Variants in RPL10 observed in about 807,000 individuals in gnomAD.
RPL10 encodes the protein large ribosomal subunit protein uL16.
RPL10 carries 1 observed loss-of-function variant against 15.7 expected under a neutral mutation model. The observed-to-expected ratio is 0.06, with a 90% confidence interval of 0.02 to 0.30. The LOEUF is 0.30. Ranked by LOEUF, RPL10 falls within the 10% of genes least tolerant of loss-of-function variation. The pLI, the probability that RPL10 is intolerant of heterozygous loss-of-function variation, is 1.00. For missense variants in RPL10, 54 were observed against 183.4 expected (o/e 0.29, Z 4.08); for synonymous variants, 59 against 64.0 (o/e 0.92, Z 0.37).
chrX:154,399,143 G>T (rs1380807809), intron 2 of RPL10, among the ~76,000 whole-genome samples, 195 bp from the exon 3 acceptor site: 1 of 112,321 alleles, frequency 8.9e-6, no homozygotes, highest in Non-Finnish European at 1.9e-5. Flanking sequence ...GTTGTTTCTA[G>T]TCTTGGGTGT....
intron 6 of RPL10, 32 bp from the exon 7 acceptor site, chrX:154,400,670 C>T (rs41302182): frequency 1.7e-6 from 2 of 1,211,393 alleles, no homozygotes; most frequent in South Asian, 1.8e-5. Context: ...TGCCCCAGGC[C>T]TCCTGACTCA....
intron 5 of RPL10, 132 bp downstream of exon 5, chrX:154,400,073 G>A (rs1432991298): frequency 1.4e-5 from 11 of 811,682 alleles, no homozygotes; most frequent in Non-Finnish European, 2.0e-5. Context: ...GCTGGCAAGT[G>A]ACTTTCAGTG....
In RPL10 at chrX:154,400,984, T is replaced by C. The variant is rs782015571; in HGVS notation, c.*130T>C. Reference sequence around the variant, plus strand: ...TGGGAACCTTTGGGTCATTGCCCTTTCACTTCAGAAACAGGTTGACAACTC... The same window carrying C: ...TGGGAACCTTTGGGTCATTGCCCTTCCACTTCAGAAACAGGTTGACAACTC... On this transcript the variant is annotated 3_prime_UTR_variant, in exon 7 of 7. Coordinates refer to ENST00000369817, the MANE Select transcript of RPL10 (RefSeq NM_006013.5). 24 of 1,167,699 alleles carry C rather than the reference T, an allele frequency of 2.1e-5. No individual in the cohort carries two copies. The East Asian group carries it at 7.4e-4, about 36-fold the overall frequency.
chrX:154,400,394 C>G, intron 5 of RPL10, 70 bp from the exon 6 acceptor site: 2 of 1,142,126 alleles, frequency 1.8e-6, no homozygotes, highest in Non-Finnish European at 2.4e-6. Context: ...ATGGGTTGCT[C>G]TAAGGGACCT....
In RPL10 at chrX:154,400,876, CCT is replaced by C. The variant is rs1415793083; in HGVS notation, c.*25_*26del. ...ATGAGGGCTTCCAATGTGCTGCCCC[CCT>C]CTTAATACTCACCAATAAATTCTAC... On this transcript the variant is annotated 3_prime_UTR_variant, in exon 7 of 7. Transcript: ENST00000369817. 4.1e-6 allele frequency: 5 copies of C among 1,209,204 alleles called. No individual in the cohort carries two copies. The highest frequency in any genetic ancestry group is 1.7e-5 in the African/African-American group (1 of 57,176).
chrX:154,398,534 C>T lies in RPL10; in HGVS notation c.15C>T (p.Pro5=), dbSNP rs1557184932. 3 of 1,211,361 alleles carry T rather than the reference C, an allele frequency of 2.5e-6. No individual in the cohort carries two copies. Among genetic ancestry groups the T allele is most frequent in the East Asian group, 5.9e-5 (2 of 33,854 alleles). Residue 5 remains proline (P), a synonymous_variant, in exon 2 of 7, where the codon CCC becomes CCT. Coordinates refer to ENST00000369817, the MANE Select transcript of RPL10 (RefSeq NM_006013.5). Reference sequence around the variant, plus strand: ...CTGGTGTCGCCATGGGCCGCCGCCCCGCCCGTTGGTGAGTCTTGAATCCGT... The same window carrying T: ...CTGGTGTCGCCATGGGCCGCCGCCCTGCCCGTTGGTGAGTCTTGAATCCGT... MGRR[P]ARCYRYCKNK... is the part of the protein sequence containing the mutation.
chrX:154,401,076 C>T lies in RPL10; in HGVS notation c.*222C>T, dbSNP rs1318279813. The T allele has an allele frequency of 1.1e-5, 11 of 1,039,410 alleles. No homozygotes were observed. The highest frequency in any genetic ancestry group is 1.3e-5 in the Non-Finnish European group (10 of 782,948). 85.7% of individuals were successfully genotyped at this position (1,039,410 alleles called of 1,213,427 possible). A position where few individuals can be genotyped will look rare whatever the true frequency, so the allele number is the denominator to read the frequency against. Reference sequence around the variant, plus strand: ...CTGGTGGCCTTATGTCAGTTGTCTACTCTGGAGCTTGACTTGGACCTCCCC... The same window carrying T: ...CTGGTGGCCTTATGTCAGTTGTCTATTCTGGAGCTTGACTTGGACCTCCCC... On this transcript the variant is annotated 3_prime_UTR_variant, in exon 7 of 7. Transcript: ENST00000369817.
At chrX:154,399,195 T>C (rs1603368320) in intron 2 of RPL10, 143 bp from the exon 3 acceptor site, 1 of 604,663 alleles carries the variant, frequency 1.7e-6, no homozygotes, top group Non-Finnish European at 2.9e-6. Flanking sequence ...GTAGTTTATT[T>C]CCCCGAATGG....
At position 154,399,720 on chromosome X, in the gene RPL10, A is replaced by G. The variant is rs1053250557; in HGVS notation, c.191-83A>G. On this transcript the variant is annotated intron_variant, in intron 4 of 6. Transcript: ENST00000369817. The stretch of plus-strand genomic sequence containing the variant: ...GAGCCTTACAAAACTCAGCCAACAC[A>G]GTTCCCCTGAGCTGGAGATAGTCGT... The G allele has an allele frequency of 4.2e-6, 5 of 1,176,611 alleles. No individual in the cohort carries two copies. In the Admixed American group the frequency reaches 8.7e-5, roughly 21 times the overall value.
chrX:154,401,555 C>T lies in RPL10; in HGVS notation c.*701C>T, dbSNP rs1210360980. The T allele has an allele frequency of 8.6e-6, 1 of 116,250 alleles. No individual in the cohort carries two copies. Among genetic ancestry groups the T allele is most frequent in the Admixed American group, 8.6e-5 (1 of 11,609 alleles). 9.6% of individuals were successfully genotyped at this position (116,250 alleles called of 1,213,427 possible). On this transcript the variant is annotated 3_prime_UTR_variant, in exon 7 of 7. Coordinates refer to ENST00000369817, the MANE Select transcript of RPL10 (RefSeq NM_006013.5). ...TGGCCTGGGGATCTTAGATGTCTGA[C>T]CTGAACTATTGTAGAACAGCGCTGG...
At position 154,400,922 on chromosome X, in the gene RPL10, T is replaced by A. The variant is rs1557185941; in HGVS notation, c.*68T>A. 1.7e-6 allele frequency: 2 copies of A among 1,203,109 alleles called. No individual in the cohort carries two copies. Among genetic ancestry groups the A allele is most frequent in the Admixed American group, 4.4e-5 (2 of 45,393 alleles). ...ATTCTACTTCCTGTCCACCTATGTC[T>A]TTGTATCTACATTCTTGACGGGGAA... is the stretch of plus-strand genomic sequence containing the variant. On this transcript the variant is annotated 3_prime_UTR_variant, in exon 7 of 7. Coordinates refer to ENST00000369817, the MANE Select transcript of RPL10 (RefSeq NM_006013.5).
At chrX:154,398,683 C>T (rs887355616) in intron 2 of RPL10, 141 bp downstream of exon 2, 2 of 738,261 alleles carry the variant, frequency 2.7e-6, no homozygotes, top group Non-Finnish European at 4.1e-6. Context: ...TTTTACACCT[C>T]CCGGCTATTT....
chrX:154,398,237 G>C, upstream of RPL10: 1 of 491,600 alleles, frequency 2.0e-6, no homozygotes, highest in South Asian at 2.4e-5. Flanking sequence ...GCTGGGCTAC[G>C]CCCGGGCGCA....
At chrX:154,400,668 G>T (rs2068010236) in intron 6 of RPL10, 34 bp from the exon 7 acceptor site, 1 of 1,209,123 alleles carries the variant, frequency 8.3e-7, no homozygotes, top group Admixed American at 2.2e-5. Context: ...TTTGCCCCAG[G>T]CCTCCTGACT....
rs782165177 is a variant in RPL10 at position 154,401,791 on chromosome X, A to C, written c.*937A>C. Reference sequence around the variant, plus strand: ...TTAATTACCTTTATTTTATTTTGCCAAACATACCTGGGAATACCTTTTATT... The same window carrying C: ...TTAATTACCTTTATTTTATTTTGCCCAACATACCTGGGAATACCTTTTATT... On this transcript the variant is annotated 3_prime_UTR_variant, in exon 7 of 7. Coordinates refer to ENST00000369817, the MANE Select transcript of RPL10 (RefSeq NM_006013.5). The C allele has an allele frequency of 2.7e-5, 3 of 109,651 alleles. No individual in the cohort carries two copies. The highest frequency in any genetic ancestry group is 5.6e-5 in the Non-Finnish European group (3 of 53,150). The allele number at this position is 109,651 out of a possible 1,213,427, so 9.0% of individuals were successfully genotyped here. A position where few individuals can be genotyped will look rare whatever the true frequency, so the allele number is the denominator to read the frequency against.
In RPL10 at chrX:154,398,552, G is replaced by T. The variant is rs782147436; in HGVS notation, c.23+10G>T. 1 of 1,211,175 alleles carries T rather than the reference G, an allele frequency of 8.3e-7. No individual in the cohort carries two copies. The highest frequency in any genetic ancestry group is 1.7e-5 in the African/African-American group (1 of 57,917). ...GCCGCCCCGCCCGTTGGTGAGTCTTGAATCCGTGTACTTTCACTGCTGGGA... is the reference window on the plus strand; with the variant it reads ...GCCGCCCCGCCCGTTGGTGAGTCTTTAATCCGTGTACTTTCACTGCTGGGA... On this transcript the variant is annotated intron_variant, in intron 2 of 6. Coordinates refer to ENST00000369817, the MANE Select transcript of RPL10 (RefSeq NM_006013.5).
intron 2 of RPL10, chrX:154,399,033 T>C: frequency 2.4e-6 from 1 of 411,320 alleles, no homozygotes; most frequent in Non-Finnish European, 4.4e-6. Context: ...TGCGGCGATT[T>C]TGTAGTACGC....
chrX:154,401,354 T>C lies in RPL10; in HGVS notation c.*500T>C. 6.1e-6 allele frequency: 1 copy of C among 165,228 alleles called. No individual in the cohort carries two copies. Among genetic ancestry groups the C allele is most frequent in the Non-Finnish European group, 1.2e-5 (1 of 85,980 alleles). 13.6% of individuals were successfully genotyped at this position (165,228 alleles called of 1,213,427 possible). On this transcript the variant is annotated 3_prime_UTR_variant, in exon 7 of 7. Coordinates refer to ENST00000369817, the MANE Select transcript of RPL10 (RefSeq NM_006013.5). Reference sequence around the variant, plus strand: ...TCCTTGGTGGGAATCATCCAGGTACTGCTGAGGTCACCTGCGATTTGCCCC... The same window carrying C: ...TCCTTGGTGGGAATCATCCAGGTACCGCTGAGGTCACCTGCGATTTGCCCC...
In RPL10 at chrX:154,400,503, G is replaced by A; in HGVS notation, c.369G>A (p.Gln123=). The A allele has an allele frequency of 8.3e-7, 1 of 1,205,579 alleles. No individual in the cohort carries two copies. Among genetic ancestry groups the A allele is most frequent in the Non-Finnish European group, 1.1e-6 (1 of 895,295 alleles). ...TGCGAGGTGCCTTTGGAAAGCCCCA[G>A]GGCACTGTGGCCAGGGTTCACATTG... ...TGMRGAFGKP[Q]GTVARVHIGQ... is the part of the protein sequence containing the mutation. Residue 123 remains glutamine, a synonymous_variant, in exon 6 of 7, where the codon CAG becomes CAA. Coordinates refer to ENST00000369817, the MANE Select transcript of RPL10 (RefSeq NM_006013.5).
Sources: gnomAD v4.1 joint callset for allele counts (sites outside exome capture counted in the v4.1 genomes callset) on GRCh38, gnomAD v4.1.1 for gene constraint, MANE v1.5 for transcripts, NCBI Gene and HGNC (gene_info 2026-07-23, HGNC 2026-07-21) for gene names.